Variants in SH3BP2 observed in about 807,000 individuals in gnomAD.
SH3BP2 encodes SH3 domain-binding protein 2.
A neutral mutation model predicts 56.2 loss-of-function variants in SH3BP2; 38 were observed. That is an observed-to-expected ratio of 0.68 (90% CI 0.52 to 0.89). SH3BP2 has a LOEUF of 0.89. SH3BP2 is among the 40% of genes least tolerant of loss of function. The pLI is 0.00. For synonymous variants in SH3BP2, 346 were observed against 316.7 expected (o/e 1.09, Z -0.98); for missense variants, 748 against 762.6 (o/e 0.98, Z 0.23).
chr4:2,822,980 T>G lies in SH3BP2; in HGVS notation c.182T>G (p.Phe61Cys), dbSNP rs1157508246. The G allele has an allele frequency of 6.2e-7, 1 of 1,613,950 alleles. No individual in the cohort carries two copies. Among genetic ancestry groups the G allele is most frequent in the Non-Finnish European group, 8.5e-7 (1 of 1,179,992 alleles). Reference protein sequence around the residue: ...VIIHKRCVYYFKSSTSASPQG... With the variant: ...VIIHKRCVYYCKSSTSASPQG... Reference sequence around the variant, plus strand: ...ATCCACAAACGCTGCGTCTACTACTTCAAGAGTAGCACCTCTGCCTCCCCG... The same window carrying G: ...ATCCACAAACGCTGCGTCTACTACTGCAAGAGTAGCACCTCTGCCTCCCCG... Residue 61 changes from phenylalanine (F) to cysteine (C), a missense_variant, in exon 3 of 13, where the codon TTC (phenylalanine) becomes TGC (cysteine). Physicochemically the swap from Phe to Cys is radical, Grantham distance 205 (BLOSUM62 -2). This residue lies in a region of SH3BP2 where 104 missense variants were observed against 123.1 expected (regional missense o/e 0.84). Coordinates refer to ENST00000503393, the MANE Select transcript of SH3BP2 (RefSeq NM_001122681.2).
Position 2,820,719 on chromosome 4 carries a change from C to G in SH3BP2, c.102C>G (p.His34Gln). ...PGGVAKAGYL[H>Q]KKGGTQLQLL... ...GCGTGGCCAAGGCTGGCTACCTGCA[C>G]AAGAAGGGCGGTACCCAGCTGCAGC... is the stretch of plus-strand genomic sequence containing the variant. The change falls in exon 2 of 13, where the codon CAC becomes CAG. Residue 34 changes from histidine (H) to glutamine (Q), a missense_variant. Physicochemically the swap from His to Gln is conservative, Grantham distance 24. Around this residue, in one of 3 missense-constraint regions of SH3BP2, gnomAD observed 104 missense variants for 123.1 expected, o/e 0.84. Coordinates refer to ENST00000503393, the MANE Select transcript of SH3BP2 (RefSeq NM_001122681.2). The G allele has an allele frequency of 6.2e-7, 1 of 1,614,026 alleles. No individual in the cohort carries two copies. The highest frequency in any genetic ancestry group is 8.5e-7 in the Non-Finnish European group (1 of 1,179,900).
chr4:2,801,089 C>T (rs903250652), intron 1 of SH3BP2, among the ~76,000 whole-genome samples: 11 of 149,284 alleles, frequency 7.4e-5, no homozygotes, highest in African/African-American at 2.7e-4. Context: ...CTGATCCAGA[C>T]TCCACCCCTG....
At chr4:2,814,316 G>A (rs1417901021) in intron 1 of SH3BP2, among the ~76,000 whole-genome samples, 2 of 152,228 alleles carry the variant, frequency 1.3e-5, no homozygotes, top group East Asian at 1.9e-4. Flanking sequence ...AATGGAACCC[G>A]ATGGGGTGTC....
intron 1 of SH3BP2, among the ~76,000 whole-genome samples, chr4:2,794,615 G>A (rs1002124323): frequency 1.3e-5 from 2 of 152,262 alleles, no homozygotes; most frequent in African/African-American, 2.4e-5. Flanking sequence ...ATAGGCAGCC[G>A]TGTCTAGGAA....
intron 1 of SH3BP2, among the ~76,000 whole-genome samples, chr4:2,806,928 C>A (rs1723558440): frequency 6.6e-6 from 1 of 152,270 alleles, no homozygotes; most frequent in African/African-American, 2.4e-5. Flanking sequence ...CTCTCTGAAG[C>A]CCAGGTGCCA....
intron 1 of SH3BP2, among the ~76,000 whole-genome samples, chr4:2,801,034 A>G (rs1445299779): frequency 8.1e-6 from 1 of 123,452 alleles, no homozygotes; most frequent in Non-Finnish European, 1.9e-5. Flanking sequence ...GGCCTTGGGA[A>G]GGGGGCTGGA....
chr4:2,811,762 C>G (rs923898726), intron 1 of SH3BP2: 12 of 159,650 alleles, frequency 7.5e-5, no homozygotes, highest in Non-Finnish European at 1.4e-4. Context: ...CCTAGTCCCT[C>G]AGTCCCTTGG....
intron 1 of SH3BP2, among the ~76,000 whole-genome samples, chr4:2,794,897 G>A (rs763446723): frequency 1.4e-4 from 21 of 152,228 alleles, no homozygotes; most frequent in East Asian, 3.8e-4. Context: ...CCAGAGAGAC[G>A]AGATGGCCAG....
chr4:2,795,483 G>A (rs1489039030), intron 1 of SH3BP2, among the ~76,000 whole-genome samples: 29 of 152,226 alleles, frequency 1.9e-4, no homozygotes, highest in Non-Finnish European at 1.3e-4. Context: ...ACGCCTGGCA[G>A]AGTATATAGT....
At chr4:2,833,078 C>T in intron 12 of SH3BP2, 29 bp downstream of exon 12, 1 of 1,609,018 alleles carries the variant, frequency 6.2e-7, no homozygotes, top group Non-Finnish European at 8.5e-7. Context: ...GGACGGGGAC[C>T]CTGGCCGCAT....
At chr4:2,808,001 C>T (rs1723601464) in intron 1 of SH3BP2, among the ~76,000 whole-genome samples, 1 of 152,192 alleles carries the variant, frequency 6.6e-6, no homozygotes, top group Non-Finnish European at 1.5e-5. Context: ...CTAAGTGGAG[C>T]CTGCAGTTCA....
Position 2,840,225 on chromosome 4 carries a change from A to C in SH3BP2, c.*6391A>C, listed in dbSNP as rs1725372098. 1 of 141,002 alleles carries C rather than the reference A, an allele frequency of 7.1e-6. No individual in the cohort carries two copies. The highest frequency in any genetic ancestry group is 1.6e-5 in the Non-Finnish European group (1 of 64,118). The allele number at this position is 141,002 out of a possible 1,614,324, so 8.7% of individuals were successfully genotyped here. On this transcript the variant is annotated 3_prime_UTR_variant, in exon 13 of 13. Transcript: ENST00000503393. ...GTGAGACAGAGTGAGACCCTATCTCAAAAAAAACCAAAAAAAAAAAAAAAA... is the reference window on the plus strand; with the variant it reads ...GTGAGACAGAGTGAGACCCTATCTCCAAAAAAACCAAAAAAAAAAAAAAAA...
chr4:2,806,462 T>G (rs1448802892), intron 1 of SH3BP2, among the ~76,000 whole-genome samples: 1 of 152,178 alleles, frequency 6.6e-6, no homozygotes, highest in Non-Finnish European at 1.5e-5. Context: ...TCGTCAGTGT[T>G]TGTGAAGAAC....
rs550467503 is a variant in SH3BP2, at chr4:2,827,291, C to G, written c.490C>G (p.Leu164Val). ...AGTTGAGCGGCCTGTGGATATCAGC[C>G]TTTCCCCGTACCCCACGGACAATGA... is the stretch of plus-strand genomic sequence containing the variant. ...GAVERPVDIS[L>V]SPYPTDNEDY... Residue 164 changes from leucine to valine, a missense_variant, in exon 6 of 13, where the codon CTT becomes GTT. Coordinates refer to ENST00000503393, the MANE Select transcript of SH3BP2 (RefSeq NM_001122681.2). 4.3e-6 allele frequency: 7 copies of G among 1,614,206 alleles called. No individual in the cohort carries two copies. In the South Asian group the frequency reaches 7.7e-5, roughly 18 times the overall value.
rs746418492 is a variant in SH3BP2 at position 2,827,708 on chromosome 4, G to A, written c.586+34G>A. Reference sequence around the variant, plus strand: ...GGCGGGTGGGCCCGGGGAGCTCTGGGTGTGTAGGAAGCAGGGGCTGGGACC... The same window carrying A: ...GGCGGGTGGGCCCGGGGAGCTCTGGATGTGTAGGAAGCAGGGGCTGGGACC... On this transcript the variant is annotated intron_variant, in intron 7 of 12. Transcript: ENST00000503393. The A allele has an allele frequency of 1.9e-5, 28 of 1,490,894 alleles. 1 individual carries two copies. In the South Asian group the frequency reaches 3.2e-4, roughly 17 times the overall value. The allele number at this position is 1,490,894 out of a possible 1,614,324, so 92.4% of individuals were successfully genotyped here.
intron 1 of SH3BP2, chr4:2,812,512 G>C (rs1338915791): frequency 6.5e-7 from 1 of 1,543,408 alleles, no homozygotes; most frequent in African/African-American, 1.4e-5. Flanking sequence ...GGGCTCGGGA[G>C]GCGGCACTGG....
At chr4:2,799,597 C>T (rs941050046) in intron 1 of SH3BP2, among the ~76,000 whole-genome samples, 6 of 152,342 alleles carry the variant, frequency 3.9e-5, no homozygotes, top group Admixed American at 1.3e-4. Context: ...TTGCCCCATG[C>T]CAGGGTTCCT....
At chr4:2,799,070 CAG>C in intron 1 of SH3BP2, 1 of 985,504 alleles carries the variant, frequency 1.0e-6, no homozygotes, top group Non-Finnish European at 1.2e-6. Context: ...TAATGGCGCT[CAG>C]GGGTGCAGCC....
chr4:2,805,927 GC>G lies in SH3BP2; in HGVS notation c.-5+12791del, dbSNP rs564559027. ...GAATGTGGCTCTGTCTGTGCCAAGG[GC>G]CGCGGGGAGACGCCTGTTCTGGAGG... On this transcript the variant is annotated intron_variant, in intron 1 of 12. Transcript: ENST00000503393. Among the ~76,000 whole-genome samples the G allele has an allele frequency of 2.4e-4, 36 of 152,316 alleles. No homozygotes were observed. In the East Asian group the frequency reaches 6.0e-3, roughly 25 times the overall value.
Sources: allele counts gnomAD v4.1 joint callset (sites outside exome capture counted in the v4.1 genomes callset), GRCh38; gene constraint gnomAD v4.1.1; regional missense constraint gnomAD v4.1.1; transcripts MANE v1.5; gene names NCBI Gene and HGNC (gene_info 2026-07-23, HGNC 2026-07-21).